Variants in CCDC141 observed in about 807,000 individuals in gnomAD.
The protein encoded by CCDC141 is coiled-coil domain containing 141.
CCDC141 carries 168 observed loss-of-function variants against 181.0 expected under a neutral mutation model. That is an observed-to-expected ratio of 0.93 (90% CI 0.82 to 1.05). The LOEUF (loss-of-function observed/expected upper bound fraction) is 1.05, where lower values mean the gene tolerates loss of function less well. CCDC141 is among the 50% of genes least tolerant of loss of function. CCDC141 has a pLI of 0.00. For missense variants in CCDC141, 1,902 were observed against 1,788.5 expected, an observed-to-expected ratio of 1.06 and a Z score of -1.14; for synonymous variants, 666 against 642.3, an observed-to-expected ratio of 1.04 and a Z score of -0.56.
At chr2:178,947,423 C>A (rs1689778335) in intron 5 of CCDC141, among the ~76,000 whole-genome samples, 1 of 152,154 alleles carries the variant, frequency 6.6e-6, no homozygotes. Flanking sequence ...GAAATTGGTT[C>A]TGGGCAATGA....
intron 5 of CCDC141, among the ~76,000 whole-genome samples, chr2:178,957,600 A>C (rs1468515174): frequency 6.6e-6 from 1 of 152,272 alleles, no homozygotes; most frequent in Non-Finnish European, 1.5e-5. Flanking sequence ...ACTTGTGTTC[A>C]CATAAAAAGC....
rs573528692 is a variant in CCDC141, at chr2:179,047,012, A to G, written c.225+272T>C. On this transcript the variant is annotated intron_variant, in intron 2 of 23. Coordinates refer to ENST00000443758, the MANE Select transcript of CCDC141 (RefSeq NM_173648.4). ...GAAAAAATGATGGAGTTTTTTTCCC[A>G]CTGAGGCAGCCAGGAAAAAAAAATT... 8.5e-3 allele frequency among the ~76,000 whole-genome samples: 1,292 copies of G among 152,238 alleles called. 23 individuals carry two copies. The highest frequency in any genetic ancestry group is 9.0e-3 in the Non-Finnish European group (610 of 67,988).
At chr2:178,888,493 A>G (rs946892127) in intron 9 of CCDC141, 34 bp downstream of exon 9, 1 of 1,541,862 alleles carries the variant, frequency 6.5e-7, no homozygotes, top group Non-Finnish European at 8.8e-7. Context: ...ATTATCACCA[A>G]CTTAGATATT....
Position 179,025,433 on chromosome 2 carries a change from G to A in CCDC141, c.225+21851C>T, listed in dbSNP as rs115957498. ...TCACGAGATCTGATGGTTTTAAAAC[G>A]GGAGTTGCCCTGCATAAGCTCTCTC... On this transcript the variant is annotated intron_variant, in intron 2 of 23. Coordinates refer to ENST00000443758, the MANE Select transcript of CCDC141 (RefSeq NM_173648.4). 2.5e-3 allele frequency among the ~76,000 whole-genome samples: 388 copies of A among 152,198 alleles called. 3 individuals are homozygous for A. The highest frequency in any genetic ancestry group is 8.5e-3 in the African/African-American group (352 of 41,516).
At chr2:178,951,656 G>T (rs1282160791) in intron 5 of CCDC141, among the ~76,000 whole-genome samples, 2 of 152,100 alleles carry the variant, frequency 1.3e-5, no homozygotes, top group Non-Finnish European at 2.9e-5. Context: ...GGCTAGTTTG[G>T]GATGGTGGCA....
chr2:178,893,890 T>A (rs1306942016), intron 8 of CCDC141, among the ~76,000 whole-genome samples: 1 of 150,706 alleles, frequency 6.6e-6, no homozygotes, highest in Non-Finnish European at 1.5e-5. Flanking sequence ...CAGAAAGCAG[T>A]AAGTGTGGCT....
chr2:178,819,994 AAATAT>A, the CCDC141 span, among the ~76,000 whole-genome samples: 1 of 152,158 alleles, frequency 6.6e-6, no homozygotes, highest in Non-Finnish European at 1.5e-5. Context: ...ATAAATAAAT[AAATAT>A]ATTTATTAAG....
At chr2:178,944,104 C>G (rs1205627456) in intron 6 of CCDC141, among the ~76,000 whole-genome samples, 1 of 152,132 alleles carries the variant, frequency 6.6e-6, no homozygotes, top group African/African-American at 2.4e-5. Context: ...TTGTATTAGA[C>G]AAAACCTAGA....
Position 179,008,224 on chromosome 2 carries a change from T to A in CCDC141, c.226-29549A>T, listed in dbSNP as rs180936440. Among the ~76,000 whole-genome samples the A allele has an allele frequency of 5.1e-3, 771 of 152,324 alleles. 2 individuals are homozygous for A. The highest frequency in any genetic ancestry group is 8.5e-3 in the Non-Finnish European group (577 of 68,032). ...CAAAAATATACAACCACACTGTTAG[T>A]CATACTGCTAGTCTTTGCTAACATT... On this transcript the variant is annotated intron_variant, in intron 2 of 23. Transcript: ENST00000443758.
At chr2:178,990,880 G>C (rs189355763) in intron 2 of CCDC141, among the ~76,000 whole-genome samples, 1 of 152,072 alleles carries the variant, frequency 6.6e-6, no homozygotes, top group South Asian at 2.1e-4. Flanking sequence ...TCTAGATAGA[G>C]GTGATGGTTG....
the CCDC141 span, among the ~76,000 whole-genome samples, chr2:178,821,169 A>G: frequency 6.6e-6 from 1 of 152,098 alleles, no homozygotes; most frequent in African/African-American, 2.4e-5. Context: ...TAAGCCTGGG[A>G]CTTTTGGGGG....
intron 15 of CCDC141, 117 bp downstream of exon 15, chr2:178,869,000 T>G: frequency 1.6e-6 from 1 of 629,608 alleles, no homozygotes. Context: ...GGGGCCAGAT[T>G]GTGTAAACTT....
intron 22 of CCDC141, among the ~76,000 whole-genome samples, chr2:178,843,856 A>G (rs1190066780): frequency 6.6e-6 from 1 of 152,184 alleles, no homozygotes; most frequent in East Asian, 1.9e-4. Flanking sequence ...AAAAGTGAAG[A>G]TTACTGCCAC....
Position 178,975,041 on chromosome 2 carries a change from T to A in CCDC141, c.526+16A>T. ...AACCTCTAAACACTTCTGTGAGAAA[T>A]AAACATATTTCTTGCCTTTAGTATG... is the stretch of plus-strand genomic sequence containing the variant. On this transcript the variant is annotated intron_variant, in intron 4 of 23. Transcript: ENST00000443758. The A allele has an allele frequency of 1.5e-6, 2 of 1,298,956 alleles. No homozygotes were observed. Among genetic ancestry groups the A allele is most frequent in the Non-Finnish European group, 2.1e-6 (2 of 933,940 alleles). 80.5% of individuals were successfully genotyped at this position (1,298,956 alleles called of 1,614,324 possible). A position where few individuals can be genotyped will look rare whatever the true frequency, so the allele number is the denominator to read the frequency against.
chr2:179,031,660 A>G (rs1292424249), intron 2 of CCDC141, among the ~76,000 whole-genome samples: 1 of 152,168 alleles, frequency 6.6e-6, no homozygotes, highest in African/African-American at 2.4e-5. Context: ...AAAAATTTAA[A>G]TTACATATGC....
chr2:178,885,857 C>T (rs757552691), intron 10 of CCDC141, among the ~76,000 whole-genome samples: 2 of 152,180 alleles, frequency 1.3e-5, no homozygotes, highest in Non-Finnish European at 2.9e-5. Context: ...TAATATGCTT[C>T]CCAAGTACTA....
intron 5 of CCDC141, among the ~76,000 whole-genome samples, chr2:178,958,403 G>A (rs1270203648): frequency 6.6e-6 from 1 of 151,698 alleles, no homozygotes; most frequent in African/African-American, 2.4e-5. Flanking sequence ...CAGGTATGGG[G>A]GCAGGGAACA....
intron 2 of CCDC141, among the ~76,000 whole-genome samples, chr2:179,044,541 G>T (rs1343734784): frequency 6.6e-6 from 1 of 152,164 alleles, no homozygotes; most frequent in Non-Finnish European, 1.5e-5. Flanking sequence ...GATGGAGTAG[G>T]GATGAAGGGA....
intron 2 of CCDC141, among the ~76,000 whole-genome samples, chr2:179,019,840 C>T (rs1007369768): frequency 1.2e-4 from 18 of 152,052 alleles, no homozygotes; most frequent in Admixed American, 2.0e-4. Flanking sequence ...GATTATGGCT[C>T]ACTGCAGCCT....
Sources: allele counts gnomAD v4.1 joint callset (sites outside exome capture counted in the v4.1 genomes callset), GRCh38; gene constraint gnomAD v4.1.1; transcripts MANE v1.5; gene names NCBI Gene and HGNC (gene_info 2026-07-23, HGNC 2026-07-21).